The following MPP7 variants were observed in gnomAD, a reference collection of about 807,000 sequenced individuals.
MPP7 encodes MAGUK p55 scaffold protein 7.
In MPP7, 60 loss-of-function variants were observed where a neutral mutation model predicts 76.5. The observed-to-expected ratio is 0.78, with a 90% CI of 0.64 to 0.97. MPP7 has a LOEUF of 0.97. MPP7 is among the 50% of genes least tolerant of loss of function. The pLI, the probability that MPP7 is intolerant of heterozygous loss-of-function variation, is 0.00. For missense variants in MPP7, 641 were observed against 694.0 expected (o/e 0.92, Z 0.86); for synonymous variants, 237 against 244.5 (o/e 0.97, Z 0.29).
chr10:28,327,231 TAAA>T (rs59442840), intron 2 of MPP7, among the ~76,000 whole-genome samples: 2,533 of 95,684 alleles, frequency 0.026, 73 homozygotes, highest in African/African-American at 0.077. Flanking sequence ...GTCAAAGAAG[TAAA>T]AAAAAAAAAA....
chr10:28,117,176 G>A (rs1029922736), intron 11 of MPP7, among the ~76,000 whole-genome samples: 6 of 151,858 alleles, frequency 4.0e-5, no homozygotes, highest in African/African-American at 4.8e-5. Context: ...AGAGTAATAC[G>A]AGCAATCACT....
intron 2 of MPP7, among the ~76,000 whole-genome samples, chr10:28,206,783 G>C (rs1424783428): frequency 6.6e-6 from 1 of 152,102 alleles, no homozygotes; most frequent in Non-Finnish European, 1.5e-5. Flanking sequence ...CATTTGTCCT[G>C]TAACTGTATA....
At chr10:28,325,425 A>C in intron 2 of MPP7, among the ~76,000 whole-genome samples, 1 of 151,972 alleles carries the variant, frequency 6.6e-6, no homozygotes, top group East Asian at 1.9e-4. Context: ...CAGAGGCAGG[A>C]GGACCACCTG....
chr10:28,054,769 G>A (rs1419023634), intron 16 of MPP7, among the ~76,000 whole-genome samples: 5 of 151,952 alleles, frequency 3.3e-5, no homozygotes, highest in East Asian at 1.9e-4. Flanking sequence ...CTCTGCCTCC[G>A]GGGTCCTAGC....
intron 6 of MPP7, among the ~76,000 whole-genome samples, chr10:28,126,220 A>C (rs1835013557): frequency 6.6e-6 from 1 of 152,192 alleles, no homozygotes; most frequent in South Asian, 2.1e-4. Context: ...AAGGCCAGAG[A>C]CTTGAATGAG....
chr10:28,254,004 G>GAAAAAAAAAAAAAAAAAAAAAAAAA (rs199511617), intron 1 of MPP7, among the ~76,000 whole-genome samples: 2 of 92,336 alleles, frequency 2.2e-5, no homozygotes, highest in African/African-American at 8.1e-5. Flanking sequence ...TCACAAAAAA[G>GAAAAAAAAAAAAAAAAAAAAAAAAA]AAAAAAAAAA....
chr10:28,201,076 C>T (rs1308324717), intron 3 of MPP7, among the ~76,000 whole-genome samples: 1 of 152,088 alleles, frequency 6.6e-6, no homozygotes, highest in Non-Finnish European at 1.5e-5. Flanking sequence ...TTATTTAGAG[C>T]ACAAGGATGC....
In MPP7 at chr10:28,125,880, A is replaced by C. The variant is rs555434363; in HGVS notation, c.448-789T>G. 2.4e-4 allele frequency among the ~76,000 whole-genome samples: 36 copies of C among 152,346 alleles called. No homozygotes were observed. In the South Asian group the frequency reaches 7.0e-3, roughly 30 times the overall value. ...CTGCTGCCTTGTAAGAACAACAGGC[A>C]CAAGTGGTTACTTTGAAAGCCTTTC... is the stretch of plus-strand genomic sequence containing the variant. On this transcript the variant is annotated intron_variant, in intron 6 of 16. Coordinates refer to ENST00000683449, the MANE Select transcript of MPP7 (RefSeq NM_001318170.2).
At chr10:28,069,076 C>T (rs955611012) in intron 13 of MPP7, among the ~76,000 whole-genome samples, 2 of 152,080 alleles carry the variant, frequency 1.3e-5, no homozygotes, top group East Asian at 1.9e-4. Flanking sequence ...TGATACCATA[C>T]GTGCTTGGTA....
intron 2 of MPP7, among the ~76,000 whole-genome samples, chr10:28,209,231 G>A (rs893481445): frequency 4.6e-5 from 7 of 152,226 alleles, no homozygotes; most frequent in African/African-American, 7.2e-5. Flanking sequence ...CACAGAGGCC[G>A]AGGCAGGAAT....
intron 6 of MPP7, among the ~76,000 whole-genome samples, chr10:28,129,002 G>A (rs1156376452): frequency 6.6e-6 from 1 of 152,182 alleles, no homozygotes; most frequent in Non-Finnish European, 1.5e-5. Context: ...TTTGCTTGGA[G>A]GGTAAACTAC....
intron 11 of MPP7, among the ~76,000 whole-genome samples, chr10:28,095,341 C>A (rs1028807407): frequency 6.6e-6 from 1 of 151,686 alleles, no homozygotes. Flanking sequence ...AAAGATACAG[C>A]AAGAGTTATG....
At chr10:28,237,525 G>A (rs556561033) in intron 2 of MPP7, among the ~76,000 whole-genome samples, 1 of 152,236 alleles carries the variant, frequency 6.6e-6, no homozygotes, top group South Asian at 2.1e-4. Flanking sequence ...TATAACTATG[G>A]ATATGCTTGA....
intron 11 of MPP7, among the ~76,000 whole-genome samples, chr10:28,092,547 G>C (rs1356365259): frequency 6.6e-6 from 1 of 150,728 alleles, no homozygotes. Flanking sequence ...TAGGTTGTAG[G>C]GAAAGCTTCA....
intron 10 of MPP7, 34 bp downstream of exon 10, chr10:28,120,159 TG>T: frequency 6.3e-7 from 1 of 1,591,892 alleles, no homozygotes; most frequent in Non-Finnish European, 8.6e-7. Flanking sequence ...AAAGGTCAGC[TG>T]GAGAAAAGCC....
chr10:28,145,907 A>G (rs1418168017), intron 5 of MPP7, among the ~76,000 whole-genome samples: 1 of 152,194 alleles, frequency 6.6e-6, no homozygotes, highest in Non-Finnish European at 1.5e-5. Context: ...TCTTGAGCCA[A>G]ATACCAGTTC....
In MPP7 at chr10:28,051,845, A is replaced by G. The variant is rs1387829835; in HGVS notation, c.*2220T>C. On this transcript the variant is annotated 3_prime_UTR_variant, in exon 17 of 17. Transcript: ENST00000683449. Reference sequence around the variant, plus strand: ...GGCAGGAGGATTGCTTGAGCCCAGGAGTTCAAGACCAGCCTGAGCAACATG... The same window carrying G: ...GGCAGGAGGATTGCTTGAGCCCAGGGGTTCAAGACCAGCCTGAGCAACATG... The G allele has an allele frequency of 6.6e-6, 1 of 151,656 alleles. No individual in the cohort carries two copies. The allele number at this position is 151,656 out of a possible 1,614,324, so 9.4% of individuals were successfully genotyped here. A position where few individuals can be genotyped will look rare whatever the true frequency, so the allele number is the denominator to read the frequency against.
chr10:28,165,383 A>C (rs183666375), intron 3 of MPP7, among the ~76,000 whole-genome samples: 178 of 152,230 alleles, frequency 1.2e-3, no homozygotes, highest in African/African-American at 3.8e-3. Flanking sequence ...AAAGTTAGCC[A>C]GGCATAGTGG....
chr10:28,193,324 T>C (rs1230668928), intron 3 of MPP7, among the ~76,000 whole-genome samples: 1 of 151,798 alleles, frequency 6.6e-6, no homozygotes, highest in Non-Finnish European at 1.5e-5. Flanking sequence ...ACCATTCTCC[T>C]GCCTCAGCCT....
Sources: allele counts gnomAD v4.1 joint callset (sites outside exome capture counted in the v4.1 genomes callset), GRCh38; gene constraint gnomAD v4.1.1; transcripts MANE v1.5; gene names NCBI Gene and HGNC (gene_info 2026-07-23, HGNC 2026-07-21).